The following DLGAP2 variants were observed in gnomAD, a reference collection of about 807,000 sequenced individuals.
DLGAP2 encodes the protein disks large-associated protein 2.
In DLGAP2, 26 loss-of-function variants were observed where a neutral mutation model predicts 100.3. The ratio of observed to expected loss-of-function variants is 0.26; its 90% CI spans 0.19 to 0.36. DLGAP2 has a LOEUF of 0.36. Among genes scored for constraint, DLGAP2 ranks in the 10% least tolerant of loss-of-function variants. DLGAP2 has a pLI of 1.00. For missense variants in DLGAP2, 1,858 were observed against 1,453.2 expected (o/e 1.28, Z -4.53); for synonymous variants, 886 against 630.1 (o/e 1.41, Z -6.08).
chr8:1,037,280 G>A (rs1429149601), intron 2 of DLGAP2, among the ~76,000 whole-genome samples: 4 of 152,054 alleles, frequency 2.6e-5, no homozygotes, highest in Admixed American at 2.0e-4. Flanking sequence ...ATCACCTGGC[G>A]TGACCCTGAC....
At chr8:1,436,262 C>G (rs550571413) in intron 3 of DLGAP2, among the ~76,000 whole-genome samples, 5 of 152,146 alleles carry the variant, frequency 3.3e-5, no homozygotes, top group African/African-American at 9.6e-5. Context: ...CTGAGAGCCC[C>G]GGGCAAACCA....
chr8:1,087,052 G>A (rs1803996186), intron 2 of DLGAP2, among the ~76,000 whole-genome samples: 1 of 152,104 alleles, frequency 6.6e-6, no homozygotes, highest in African/African-American at 2.4e-5. Flanking sequence ...ATCATATCAA[G>A]TATCTTTTCT....
chr8:993,857 C>T (rs1800705641), intron 2 of DLGAP2, among the ~76,000 whole-genome samples: 1 of 133,634 alleles, frequency 7.5e-6, no homozygotes. Context: ...CTTTCTAGGG[C>T]CTTTGATAAT....
rs577652560 is a variant in DLGAP2, at chr8:1,510,071, T to G, written c.172+8640T>G. On this transcript the variant is annotated intron_variant, in intron 4 of 14. Transcript: ENST00000637795. ...CTGAAAACACAGACTTCTGTAATTTTAGATTCTGAAGAGTTTTTTGTAAGG... is the reference window on the plus strand; with the variant it reads ...CTGAAAACACAGACTTCTGTAATTTGAGATTCTGAAGAGTTTTTTGTAAGG... 4.1e-4 allele frequency among the ~76,000 whole-genome samples: 63 copies of G among 152,344 alleles called. 1 individual carries two copies. In the South Asian group the frequency reaches 0.013, roughly 31 times the overall value.
intron 3 of DLGAP2, among the ~76,000 whole-genome samples, chr8:1,472,236 G>T (rs992177556): frequency 3.3e-5 from 5 of 152,190 alleles, no homozygotes; most frequent in Admixed American, 6.5e-5. Context: ...TGGGAGGGGA[G>T]GGGGGTTGAG....
At chr8:1,614,990 C>T (rs931815973) in intron 6 of DLGAP2, among the ~76,000 whole-genome samples, 2 of 152,246 alleles carry the variant, frequency 1.3e-5, no homozygotes, top group Non-Finnish European at 2.9e-5. Context: ...TCCCTCTGAG[C>T]ACCCTCGCTA....
At chr8:823,740 A>C (rs1444417499) in intron 1 of DLGAP2, among the ~76,000 whole-genome samples, 2 of 152,036 alleles carry the variant, frequency 1.3e-5, no homozygotes, top group Non-Finnish European at 2.9e-5. Flanking sequence ...TTTGTCTTGC[A>C]CTTTGGGAAG....
intron 3 of DLGAP2, among the ~76,000 whole-genome samples, chr8:1,428,326 A>AGCTAG (rs1405154578): frequency 6.6e-6 from 1 of 152,172 alleles, no homozygotes; most frequent in Non-Finnish European, 1.5e-5. Context: ...TTGTCTAAAA[A>AGCTAG]ATAAAATTGA....
chr8:1,252,079 GTGTGT>G (rs1163684486), intron 2 of DLGAP2, among the ~76,000 whole-genome samples: 1 of 144,336 alleles, frequency 6.9e-6, no homozygotes. Flanking sequence ...TGTCGTGTGG[GTGTGT>G]TGTGTTGTCC....
chr8:1,690,027 T>C (rs1468039520), intron 12 of DLGAP2, among the ~76,000 whole-genome samples: 1 of 152,110 alleles, frequency 6.6e-6, no homozygotes, highest in Non-Finnish European at 1.5e-5. Context: ...AAAGCAGCTG[T>C]TTACAAAGTG....
intron 4 of DLGAP2, among the ~76,000 whole-genome samples, chr8:1,534,505 A>C (rs1316810965): frequency 6.6e-6 from 1 of 152,254 alleles, no homozygotes; most frequent in African/African-American, 2.4e-5. Context: ...AATGTAATGA[A>C]ATTCTGAAAG....
At chr8:1,660,332 A>C (rs1798381090) in intron 8 of DLGAP2, among the ~76,000 whole-genome samples, 1 of 152,188 alleles carries the variant, frequency 6.6e-6, no homozygotes, top group African/African-American at 2.4e-5. Context: ...GCCTAAAAAT[A>C]ATTTCTTAAT....
intron 8 of DLGAP2, among the ~76,000 whole-genome samples, chr8:1,659,898 G>C (rs933517588): frequency 1.3e-5 from 2 of 152,054 alleles, no homozygotes; most frequent in Non-Finnish European, 2.9e-5. Flanking sequence ...ATGATAGCTG[G>C]TTATTTTGCC....
chr8:1,574,761 G>T (rs1174392945), intron 6 of DLGAP2, among the ~76,000 whole-genome samples: 4 of 152,170 alleles, frequency 2.6e-5, no homozygotes, highest in Admixed American at 2.0e-4. Context: ...ATATTTAAAA[G>T]CAGAAATTGT....
chr8:1,159,135 G>A (rs1167574987), intron 2 of DLGAP2, among the ~76,000 whole-genome samples: 1 of 152,224 alleles, frequency 6.6e-6, no homozygotes, highest in Non-Finnish European at 1.5e-5. Context: ...AGGGATTTGT[G>A]TGATCCTTGG....
At chr8:982,114 G>C (rs1563127132) in intron 2 of DLGAP2, among the ~76,000 whole-genome samples, 1 of 152,206 alleles carries the variant, frequency 6.6e-6, no homozygotes. Flanking sequence ...GCCTCCCAAG[G>C]GGCCTGGCTC....
intron 2 of DLGAP2, among the ~76,000 whole-genome samples, chr8:1,208,882 A>AAATT (rs895645804): frequency 2.0e-5 from 3 of 150,124 alleles, no homozygotes; most frequent in African/African-American, 7.3e-5. Context: ...ATAAATAAAT[A>AAATT]AATAAATAAA....
chr8:956,504 A>G (rs1265216685), intron 2 of DLGAP2, among the ~76,000 whole-genome samples: 1 of 152,194 alleles, frequency 6.6e-6, no homozygotes, highest in African/African-American at 2.4e-5. Context: ...GGTTCCTGGC[A>G]TGACAGGGGC....
chr8:1,266,367 G>T (rs916380097), intron 3 of DLGAP2, among the ~76,000 whole-genome samples: 1 of 152,212 alleles, frequency 6.6e-6, no homozygotes, highest in African/African-American at 2.4e-5. Flanking sequence ...GTGATACTCT[G>T]TCTACGGGGC....
Sources: gnomAD v4.1 joint callset for allele counts (sites outside exome capture counted in the v4.1 genomes callset) on GRCh38, gnomAD v4.1.1 for gene constraint, MANE v1.5 for transcripts, NCBI Gene and HGNC (gene_info 2026-07-23, HGNC 2026-07-21) for gene names.